Variants in ASIC2 observed in about 807,000 individuals in gnomAD.
ASIC2 encodes the protein acid sensing ion channel subunit 2.
ASIC2 carries 25 observed loss-of-function variants against 57.3 expected under a neutral mutation model. The observed-to-expected ratio is 0.44, with a 90% CI of 0.32 to 0.61. The LOEUF (loss-of-function observed/expected upper bound fraction) is 0.61, where lower values mean the gene tolerates loss of function less well. Among genes scored for constraint, ASIC2 ranks in the 20% least tolerant of loss-of-function variants. The probability of loss-of-function intolerance (pLI) is 0.06; values close to 1 mark genes in which losing one functional copy is unlikely to be tolerated. For synonymous variants in ASIC2, 319 were observed against 307.5 expected (o/e 1.04, Z -0.39); for missense variants, 641 against 738.1 (o/e 0.87, Z 1.52).
intron 3 of ASIC2, among the ~76,000 whole-genome samples, chr17:33,070,614 G>A (rs2092065171): frequency 6.6e-6 from 1 of 152,152 alleles, no homozygotes; most frequent in South Asian, 2.1e-4. Flanking sequence ...GGGATTACAG[G>A]TGTGAGCCAC....
At chr17:33,582,729 G>A (rs946744831) in intron 1 of ASIC2, among the ~76,000 whole-genome samples, 13 of 152,048 alleles carry the variant, frequency 8.5e-5, no homozygotes, top group African/African-American at 3.1e-4. Flanking sequence ...CTCCAACAAG[G>A]TACTCGATTG....
intron 1 of ASIC2, among the ~76,000 whole-genome samples, chr17:33,552,866 T>G (rs1184061777): frequency 6.6e-6 from 1 of 152,222 alleles, no homozygotes; most frequent in Non-Finnish European, 1.5e-5. Context: ...CTGTTAATGG[T>G]GGAAATGTTT....
At chr17:33,323,990 A>G (rs1171361465) in intron 1 of ASIC2, among the ~76,000 whole-genome samples, 2 of 152,186 alleles carry the variant, frequency 1.3e-5, no homozygotes. Context: ...ACTCTCTTAC[A>G]TATATATTAT....
intron 1 of ASIC2, among the ~76,000 whole-genome samples, chr17:33,960,578 C>A (rs1336496183): frequency 6.6e-6 from 1 of 152,122 alleles, no homozygotes; most frequent in Non-Finnish European, 1.5e-5. Context: ...GGTTTTAGAG[C>A]CTTCAATGAT....
intron 1 of ASIC2, among the ~76,000 whole-genome samples, chr17:33,663,051 C>T (rs1254699217): frequency 6.6e-6 from 1 of 152,176 alleles, no homozygotes; most frequent in Non-Finnish European, 1.5e-5. Flanking sequence ...TCGCATGCGC[C>T]TGCACGCACA....
At chr17:33,968,694 G>T (rs1015643110) in intron 1 of ASIC2, among the ~76,000 whole-genome samples, 1 of 152,198 alleles carries the variant, frequency 6.6e-6, no homozygotes, top group Non-Finnish European at 1.5e-5. Flanking sequence ...GCGCCCATCT[G>T]CCAGTGTGCG....
intron 1 of ASIC2, among the ~76,000 whole-genome samples, chr17:33,397,981 A>C (rs1910140545): frequency 6.6e-6 from 1 of 152,244 alleles, no homozygotes. Flanking sequence ...TAGTGGAAAA[A>C]AAATCTTAGA....
intron 1 of ASIC2, among the ~76,000 whole-genome samples, chr17:33,561,630 C>T (rs182419912): frequency 6.6e-6 from 1 of 152,262 alleles, no homozygotes. Context: ...TTCTTATACA[C>T]TTTGGTGTTT....
intron 3 of ASIC2, among the ~76,000 whole-genome samples, chr17:33,079,163 C>T (rs1449211238): frequency 6.6e-6 from 1 of 152,074 alleles, no homozygotes; most frequent in African/African-American, 2.4e-5. Context: ...ATGTAAGGCA[C>T]CATGTAAAAT....
intron 1 of ASIC2, among the ~76,000 whole-genome samples, chr17:33,796,809 A>T (rs988118888): frequency 2.6e-5 from 4 of 152,186 alleles, no homozygotes; most frequent in African/African-American, 9.7e-5. Context: ...AGATTAAGGG[A>T]TGGGAACCCT....
At chr17:33,389,617 C>T (rs939576477) in intron 1 of ASIC2, among the ~76,000 whole-genome samples, 5 of 152,166 alleles carry the variant, frequency 3.3e-5, no homozygotes, top group Admixed American at 6.5e-5. Flanking sequence ...ATGACTCATT[C>T]AGGACTAAGA....
At chr17:33,648,548 A>G (rs1906819925) in intron 1 of ASIC2, among the ~76,000 whole-genome samples, 1 of 152,242 alleles carries the variant, frequency 6.6e-6, no homozygotes, top group Non-Finnish European at 1.5e-5. Context: ...GTGGGCAAGG[A>G]TCTTTCTAAG....
chr17:34,022,100 G>C (rs1567791021), intron 1 of ASIC2, among the ~76,000 whole-genome samples: 1 of 152,182 alleles, frequency 6.6e-6, no homozygotes, highest in African/African-American at 2.4e-5. Context: ...GCCTTCCAAA[G>C]TGGGGGGTTG....
At chr17:34,138,540 C>T (rs1912185740) in intron 1 of ASIC2, among the ~76,000 whole-genome samples, 1 of 152,198 alleles carries the variant, frequency 6.6e-6, no homozygotes, top group African/African-American at 2.4e-5. Flanking sequence ...AGGATCCTTA[C>T]ACTGGACACT....
chr17:33,389,229 G>C (rs980170669), intron 1 of ASIC2, among the ~76,000 whole-genome samples: 1 of 152,100 alleles, frequency 6.6e-6, no homozygotes, highest in African/African-American at 2.4e-5. Flanking sequence ...TCAAAGTGCT[G>C]GGATTACAGG....
chr17:34,101,426 G>A (rs1430159730), intron 1 of ASIC2, among the ~76,000 whole-genome samples: 1 of 152,164 alleles, frequency 6.6e-6, no homozygotes, highest in Non-Finnish European at 1.5e-5. Flanking sequence ...ACTTCGTCAA[G>A]TGCTTACCTG....
intron 1 of ASIC2, among the ~76,000 whole-genome samples, chr17:34,041,598 G>A (rs1908135264): frequency 6.6e-6 from 1 of 152,124 alleles, no homozygotes; most frequent in African/African-American, 2.4e-5. Flanking sequence ...CTCCTCATAT[G>A]GTGTCAGAGA....
At chr17:33,055,368 C>T (rs569572293) in intron 3 of ASIC2, among the ~76,000 whole-genome samples, 32 of 152,318 alleles carry the variant, frequency 2.1e-4, no homozygotes, top group Admixed American at 3.9e-4. Flanking sequence ...CAGGACTCCT[C>T]GTTCCTCAAC....
chr17:33,884,784 T>C (rs1045413135), intron 1 of ASIC2, among the ~76,000 whole-genome samples: 5 of 148,508 alleles, frequency 3.4e-5, no homozygotes, highest in Non-Finnish European at 6.0e-5. Flanking sequence ...AATGGTTCCC[T>C]GAAGCCCAAA....
Sources: gnomAD v4.1 joint callset for allele counts (sites outside exome capture counted in the v4.1 genomes callset) on GRCh38, gnomAD v4.1.1 for gene constraint, MANE v1.5 for transcripts, NCBI Gene and HGNC (gene_info 2026-07-23, HGNC 2026-07-21) for gene names.